The following NKAIN2 variants were observed in gnomAD, a reference collection of about 807,000 sequenced individuals.
NKAIN2 encodes sodium/potassium-transporting ATPase subunit beta-1-interacting protein 2.
In NKAIN2, 14 loss-of-function variants were observed where a neutral mutation model predicts 32.6. That is an observed-to-expected ratio of 0.43 (90% CI 0.28 to 0.67). The LOEUF (loss-of-function observed/expected upper bound fraction) is 0.67. Ranked by LOEUF, NKAIN2 falls within the 30% of genes least tolerant of loss-of-function variation. NKAIN2 has a pLI of 0.17. For synonymous variants in NKAIN2, 80 were observed against 87.2 expected (o/e 0.92, Z 0.46); for missense variants, 198 against 258.3 (o/e 0.77, Z 1.60).
chr6:124,155,644 A>G (rs1440851403), intron 1 of NKAIN2, among the ~76,000 whole-genome samples: 1 of 151,150 alleles, frequency 6.6e-6, no homozygotes, highest in Non-Finnish European at 1.5e-5. Context: ...GGCAATTTTG[A>G]TATGATTTAA....
chr6:124,630,882 C>CAAGT (rs1229493385), intron 3 of NKAIN2, among the ~76,000 whole-genome samples: 1 of 152,122 alleles, frequency 6.6e-6, no homozygotes, highest in Non-Finnish European at 1.5e-5. Flanking sequence ...TCAGACATGT[C>CAAGT]AAGTTTGAAT....
intron 4 of NKAIN2, among the ~76,000 whole-genome samples, chr6:124,745,201 T>C (rs1293644257): frequency 6.6e-6 from 1 of 151,834 alleles, no homozygotes; most frequent in Non-Finnish European, 1.5e-5. Context: ...TAGATCAAAA[T>C]GGGAAAATGG....
intron 3 of NKAIN2, among the ~76,000 whole-genome samples, chr6:124,411,551 G>A (rs1315197730): frequency 3.9e-5 from 6 of 152,250 alleles, no homozygotes; most frequent in Non-Finnish European, 8.8e-5. Context: ...TGAGAGATCA[G>A]CTGTTAGTCT....
At chr6:124,244,256 A>G (rs1793271636) in intron 1 of NKAIN2, among the ~76,000 whole-genome samples, 1 of 106,824 alleles carries the variant, frequency 9.4e-6, no homozygotes, top group South Asian at 3.4e-4. Flanking sequence ...CCACCCCACA[A>G]CAGTCCCCAG....
intron 3 of NKAIN2, among the ~76,000 whole-genome samples, chr6:124,359,710 A>G (rs897764586): frequency 6.6e-5 from 10 of 152,182 alleles, no homozygotes; most frequent in Non-Finnish European, 8.8e-5. Flanking sequence ...CAATGATGTC[A>G]TCTGCGAACA....
chr6:123,970,296 T>C (rs888134099), intron 1 of NKAIN2, among the ~76,000 whole-genome samples: 1 of 152,188 alleles, frequency 6.6e-6, no homozygotes, highest in Non-Finnish European at 1.5e-5. Flanking sequence ...GGTATGTATA[T>C]GAGAGTTTGG....
chr6:123,998,725 T>A (rs1779741975), intron 1 of NKAIN2, among the ~76,000 whole-genome samples: 1 of 136,508 alleles, frequency 7.3e-6, no homozygotes. Flanking sequence ...AAAGAAATTG[T>A]TGTTTCTCTC....
At chr6:124,328,918 C>G (rs945654896) in intron 2 of NKAIN2, among the ~76,000 whole-genome samples, 7 of 152,206 alleles carry the variant, frequency 4.6e-5, no homozygotes, top group Non-Finnish European at 8.8e-5. Context: ...AATTTACACT[C>G]CGTGGACCCA....
At chr6:124,208,984 C>G in intron 1 of NKAIN2, among the ~76,000 whole-genome samples, 1 of 151,454 alleles carries the variant, frequency 6.6e-6, no homozygotes, top group East Asian at 1.9e-4. Flanking sequence ...CACTTCCACT[C>G]TTTTAATTAT....
chr6:124,609,636 T>C (rs893623440), intron 3 of NKAIN2, among the ~76,000 whole-genome samples: 5 of 152,030 alleles, frequency 3.3e-5, no homozygotes, highest in Admixed American at 2.0e-4. Context: ...CCCCTGCCTC[T>C]CCCACTAGCT....
intron 3 of NKAIN2, among the ~76,000 whole-genome samples, chr6:124,425,180 T>C (rs1246498896): frequency 6.6e-6 from 1 of 152,164 alleles, no homozygotes; most frequent in East Asian, 1.9e-4. Context: ...CATAAGTGTT[T>C]ATTACCACAG....
At chr6:124,500,864 G>C (rs1332728021) in intron 3 of NKAIN2, among the ~76,000 whole-genome samples, 1 of 151,956 alleles carries the variant, frequency 6.6e-6, no homozygotes, top group African/African-American at 2.4e-5. Flanking sequence ...AAATAAAAAA[G>C]TTTAGACTAG....
intron 1 of NKAIN2, among the ~76,000 whole-genome samples, chr6:123,953,500 G>T (rs976303170): frequency 6.6e-6 from 1 of 152,276 alleles, no homozygotes; most frequent in South Asian, 2.1e-4. Context: ...GTCCATGGTG[G>T]TGTTGTTAGT....
intron 1 of NKAIN2, among the ~76,000 whole-genome samples, chr6:123,815,943 T>C (rs1773675447): frequency 1.3e-5 from 2 of 152,028 alleles, no homozygotes; most frequent in South Asian, 4.1e-4. Context: ...ACCGTTAATA[T>C]AGGGCAGCAT....
At position 124,501,921 on chromosome 6, in the gene NKAIN2, G is replaced by GA. The variant is rs1778307098; in HGVS notation, c.273+146578dup. ...CATTTTCACAATGTATGAAGATTGT[G>GA]AAAACCCCATTTCCAATTAAAACAA... On this transcript the variant is annotated intron_variant, in intron 3 of 6. Coordinates refer to ENST00000368417, the MANE Select transcript of NKAIN2 (RefSeq NM_001040214.3). Among the ~76,000 whole-genome samples the GA allele has an allele frequency of 4.6e-5, 7 of 151,976 alleles. No homozygotes were observed. In the South Asian group the frequency reaches 1.5e-3, roughly 32 times the overall value.
intron 3 of NKAIN2, among the ~76,000 whole-genome samples, chr6:124,522,028 G>A (rs1779136377): frequency 6.6e-6 from 1 of 151,492 alleles, no homozygotes; most frequent in Non-Finnish European, 1.5e-5. Context: ...AACCCTACCG[G>A]GTATTTGAAC....
chr6:124,640,508 G>T (rs926456162), intron 3 of NKAIN2, among the ~76,000 whole-genome samples: 1 of 152,118 alleles, frequency 6.6e-6, no homozygotes. Context: ...TATGGGAAAA[G>T]ATACCTGTGG....
intron 2 of NKAIN2, among the ~76,000 whole-genome samples, chr6:124,338,026 A>G (rs547948583): frequency 1.3e-5 from 2 of 152,328 alleles, no homozygotes; most frequent in East Asian, 3.9e-4. Context: ...TAGAAAAACT[A>G]TAATTAAATA....
intron 2 of NKAIN2, among the ~76,000 whole-genome samples, chr6:124,310,468 G>A (rs1325265519): frequency 6.6e-6 from 1 of 151,988 alleles, no homozygotes; most frequent in Non-Finnish European, 1.5e-5. Flanking sequence ...GTGGGCTACA[G>A]ATTTTTTTTT....
Sources: allele counts gnomAD v4.1 joint callset (sites outside exome capture counted in the v4.1 genomes callset), GRCh38; gene constraint gnomAD v4.1.1; transcripts MANE v1.5; gene names NCBI Gene and HGNC (gene_info 2026-07-23, HGNC 2026-07-21).